The following LIPC variants were observed in gnomAD, a reference collection of about 807,000 sequenced individuals.
LIPC encodes the protein lipase C, hepatic type.
LIPC carries 44 observed loss-of-function variants against 50.7 expected under a neutral mutation model. The ratio of observed to expected loss-of-function variants is 0.87; its 90% CI spans 0.68 to 1.11. The LOEUF is 1.11. Ranked by LOEUF, LIPC falls within the 50% of genes most tolerant of loss-of-function variation. LIPC has a pLI of 0.00. For missense variants in LIPC, 697 were observed against 648.2 expected (o/e 1.08, Z -0.82); for synonymous variants, 271 against 256.4 (o/e 1.06, Z -0.54).
chr15:58,466,137 T>C (rs1283230817), intron 1 of LIPC, among the ~76,000 whole-genome samples: 1 of 152,244 alleles, frequency 6.6e-6, no homozygotes, highest in Non-Finnish European at 1.5e-5. Flanking sequence ...TGTAAGATTA[T>C]GTAGAAAATG....
At chr15:58,448,754 G>A (rs2140665181) in intron 1 of LIPC, among the ~76,000 whole-genome samples, 1 of 152,350 alleles carries the variant, frequency 6.6e-6, no homozygotes, top group Non-Finnish European at 1.5e-5. Context: ...AAAGTCAGAT[G>A]TCTGGCCCAA....
chr15:58,497,379 A>G (rs560664440), intron 1 of LIPC, among the ~76,000 whole-genome samples: 40 of 152,082 alleles, frequency 2.6e-4, no homozygotes, highest in African/African-American at 8.2e-4. Flanking sequence ...GGCTGTGTTT[A>G]TTGGGCAAGG....
At chr15:58,568,585 C>A in intron 8 of LIPC, 131 bp from the exon 9 acceptor site, 2 of 670,904 alleles carry the variant, frequency 3.0e-6, no homozygotes, top group Admixed American at 4.8e-5. Context: ...TATTTGCGAA[C>A]ATAAGAATCT....
At chr15:58,514,307 T>C (rs1490481465) in intron 1 of LIPC, among the ~76,000 whole-genome samples, 1 of 152,194 alleles carries the variant, frequency 6.6e-6, no homozygotes, top group African/African-American at 2.4e-5. Context: ...AGTCAAACAA[T>C]GTCTATAAGG....
At chr15:58,557,613 T>C (rs1193745124) in intron 6 of LIPC, among the ~76,000 whole-genome samples, 4 of 152,006 alleles carry the variant, frequency 2.6e-5, no homozygotes, top group Non-Finnish European at 4.4e-5. Flanking sequence ...TCTCGATCTG[T>C]TGACCTCGTG....
At chr15:58,503,707 T>A (rs1373746275) in intron 1 of LIPC, among the ~76,000 whole-genome samples, 3 of 152,202 alleles carry the variant, frequency 2.0e-5, no homozygotes, top group Non-Finnish European at 4.4e-5. Context: ...ATGTGAGTGC[T>A]GTCTCTGTGA....
At chr15:58,511,182 G>A (rs2140857457) in intron 1 of LIPC, among the ~76,000 whole-genome samples, 1 of 152,256 alleles carries the variant, frequency 6.6e-6, no homozygotes, top group South Asian at 2.1e-4. Flanking sequence ...CGAATTAAAT[G>A]ATTATCCATG....
chr15:58,486,167 T>A (rs775448874), intron 1 of LIPC, among the ~76,000 whole-genome samples: 1 of 152,212 alleles, frequency 6.6e-6, no homozygotes, highest in Non-Finnish European at 1.5e-5. Flanking sequence ...CACTCTCTCA[T>A]GTCACTGTCC....
intron 1 of LIPC, among the ~76,000 whole-genome samples, chr15:58,459,445 TAAATC>T (rs1394047536): frequency 2.7e-5 from 4 of 149,894 alleles, no homozygotes; most frequent in African/African-American, 9.9e-5. Context: ...AATAAATAAA[TAAATC>T]AAAACAAAGC....
rs1190954809 is a variant in LIPC, at chr15:58,538,336, C to T, written c.92C>T (p.Pro31Leu). 2 of 1,614,146 alleles carry T rather than the reference C, an allele frequency of 1.2e-6. No individual in the cohort carries two copies. The highest frequency in any genetic ancestry group is 8.5e-7 in the Non-Finnish European group (1 of 1,179,984). ...SALGQSLKPEPFGRRAQAVET... is the reference protein window; with the variant it reads ...SALGQSLKPELFGRRAQAVET... ...CGTCCCCAATCTTATATTGCAGAGC[C>T]ATTTGGAAGAAGAGCTCAAGCTGTT... Residue 31 changes from proline (P) to leucine (L), a missense_variant, in exon 2 of 9, where the codon CCA becomes CTA. Physicochemically the swap from Pro to Leu is moderately conservative, Grantham distance 98 (BLOSUM62 -3). Transcript: ENST00000299022.
rs141940476 is a variant in LIPC, at chr15:58,451,032, G to A, written c.88+18912G>A. ...GTGCTGCCTTCCTTCCCCAGGCAAC[G>A]TACTAGGAAGAATCATGGTTTACTG... is the stretch of plus-strand genomic sequence containing the variant. On this transcript the variant is annotated intron_variant, in intron 1 of 8. Coordinates refer to ENST00000299022, the MANE Select transcript of LIPC (RefSeq NM_000236.3). Among the ~76,000 whole-genome samples the A allele has an allele frequency of 3.2e-4, 48 of 152,246 alleles. 1 individual carries two copies. Among genetic ancestry groups the A allele is most frequent in the Admixed American group, 8.5e-4 (13 of 15,296 alleles).
At chr15:58,551,882 G>A (rs1480817176) in intron 6 of LIPC, among the ~76,000 whole-genome samples, 1 of 152,118 alleles carries the variant, frequency 6.6e-6, no homozygotes, top group African/African-American at 2.4e-5. Flanking sequence ...AAGATATTTC[G>A]ACAAAACCAT....
At chr15:58,491,883 G>A (rs1254144465) in intron 1 of LIPC, among the ~76,000 whole-genome samples, 1 of 152,154 alleles carries the variant, frequency 6.6e-6, no homozygotes, top group African/African-American at 2.4e-5. Context: ...GATTCCTATT[G>A]GTCCTTCCAG....
At position 58,528,715 on chromosome 15, in the gene LIPC, G is replaced by A. The variant is rs1177758690; in HGVS notation, c.89-9618G>A. Among the ~76,000 whole-genome samples the A allele has an allele frequency of 5.3e-5, 8 of 152,198 alleles. No individual in the cohort carries two copies. The East Asian group carries it at 5.8e-4, about 11-fold the overall frequency. On this transcript the variant is annotated intron_variant, in intron 1 of 8. Coordinates refer to ENST00000299022, the MANE Select transcript of LIPC (RefSeq NM_000236.3). ...CTTCTGCTGTGCAGTAACAAGCCACGCTCAGGGCATGGGCCCAACTTGAGT... is the reference window on the plus strand; with the variant it reads ...CTTCTGCTGTGCAGTAACAAGCCACACTCAGGGCATGGGCCCAACTTGAGT...
intron 1 of LIPC, among the ~76,000 whole-genome samples, chr15:58,457,470 G>A (rs555030902): frequency 6.6e-6 from 1 of 152,280 alleles, no homozygotes; most frequent in South Asian, 2.1e-4. Context: ...GGCCTACAAG[G>A]CACCCCGTTT....
Position 58,515,533 on chromosome 15 carries a change from C to CATAT in LIPC, c.89-22783_89-22780dup, listed in dbSNP as rs1555403164. Among the ~76,000 whole-genome samples, 103 of 141,724 alleles carry CATAT rather than the reference C, an allele frequency of 7.3e-4. 2 individuals carry two copies. The highest frequency in any genetic ancestry group is 1.0e-3 in the East Asian group (5 of 4,848). 93.0% of individuals were successfully genotyped at this position (141,724 alleles called of 152,430 possible). ...AAAGAGGTCTTTGCATATACACACA[C>CATAT]ATATATATATATATATATATCTCAA... On this transcript the variant is annotated intron_variant, in intron 1 of 8. Transcript: ENST00000299022.
chr15:58,507,999 C>T (rs1164013899), intron 1 of LIPC, among the ~76,000 whole-genome samples: 4 of 152,170 alleles, frequency 2.6e-5, no homozygotes, highest in African/African-American at 9.7e-5. Flanking sequence ...CTTTGAAATA[C>T]TGAATGAGCA....
chr15:58,546,158 C>T (rs891027369), intron 5 of LIPC, among the ~76,000 whole-genome samples, 183 bp downstream of exon 5: 8 of 152,210 alleles, frequency 5.3e-5, no homozygotes, highest in African/African-American at 1.9e-4. Flanking sequence ...GTGCCTGTCC[C>T]CCAGCAGGCC....
At chr15:58,465,144 A>T (rs1199820861) in intron 1 of LIPC, among the ~76,000 whole-genome samples, 2 of 152,198 alleles carry the variant, frequency 1.3e-5, no homozygotes, top group Non-Finnish European at 2.9e-5. Context: ...TTATCCCCTC[A>T]GGAACCAGGG....
Sources: allele counts gnomAD v4.1 joint callset (sites outside exome capture counted in the v4.1 genomes callset), GRCh38; gene constraint gnomAD v4.1.1; transcripts MANE v1.5; gene names NCBI Gene and HGNC (gene_info 2026-07-23, HGNC 2026-07-21).